Variants in PPIP5K2 observed in about 807,000 individuals in gnomAD.
The protein encoded by PPIP5K2 is diphosphoinositol pentakisphosphate kinase 2.
A neutral mutation model predicts 154.6 loss-of-function variants in PPIP5K2; 105 were observed. The observed-to-expected ratio is 0.68, with a 90% CI of 0.58 to 0.80. The LOEUF (loss-of-function observed/expected upper bound fraction) is 0.80. PPIP5K2 is among the 30% of genes least tolerant of loss of function. The probability of loss-of-function intolerance (pLI) is 0.00; values close to 1 mark genes in which losing one functional copy is unlikely to be tolerated. For missense variants in PPIP5K2, 992 were observed against 1,504.6 expected, an observed-to-expected ratio of 0.66 and a Z score of 5.64; for synonymous variants, 480 against 490.3, an observed-to-expected ratio of 0.98 and a Z score of 0.28.
chr5:103,130,183 G>A (rs1269830148), intron 2 of PPIP5K2, among the ~76,000 whole-genome samples: 1 of 152,010 alleles, frequency 6.6e-6, no homozygotes, highest in Non-Finnish European at 1.5e-5. Flanking sequence ...TGGCTAGAAG[G>A]GTAGGCTACC....
intron 5 of PPIP5K2, among the ~76,000 whole-genome samples, chr5:103,144,922 C>A (rs1350407159): frequency 6.6e-6 from 1 of 151,976 alleles, no homozygotes; most frequent in Non-Finnish European, 1.5e-5. Context: ...GGGATCATAT[C>A]AACCTAAAAA....
At position 103,203,335 on chromosome 5, in the gene PPIP5K2, A is replaced by T. The variant is rs1411924967; in HGVS notation, c.*1701A>T. Reference sequence around the variant, plus strand: ...TTAAATAAAATTTATTATTGGCTATATACATAGCAATATATTACTTTCCAA... The same window carrying T: ...TTAAATAAAATTTATTATTGGCTATTTACATAGCAATATATTACTTTCCAA... On this transcript the variant is annotated 3_prime_UTR_variant, in exon 31 of 31. Transcript: ENST00000358359. 1.3e-5 allele frequency: 2 copies of T among 152,182 alleles called. No individual in the cohort carries two copies. Among genetic ancestry groups the T allele is most frequent in the African/African-American group, 4.8e-5 (2 of 41,454 alleles). The allele number at this position is 152,182 out of a possible 1,614,324, so 9.4% of individuals were successfully genotyped here.
rs1554209809 is a variant in PPIP5K2 at position 103,148,023 on chromosome 5, T to G, written c.735T>G (p.Thr245=). ...AAGAGTTTATGCCCACAGATGGTAC[T>G]GATGTTAAGGTAGGATTGATTAAAA... is the stretch of plus-strand genomic sequence containing the variant. The part of the protein sequence containing the change: ...IYEEFMPTDG[T]DVKVYTVGPD... Residue 245 remains threonine, a synonymous_variant, in exon 7 of 31, where the codon ACT becomes ACG. Coordinates refer to ENST00000358359, the MANE Select transcript of PPIP5K2 (RefSeq NM_001276277.3). 2.9e-5 allele frequency: 46 copies of G among 1,572,816 alleles called. No individual in the cohort carries two copies. Among genetic ancestry groups the G allele is most frequent in the Non-Finnish European group, 3.9e-5 (45 of 1,151,300 alleles).
intron 10 of PPIP5K2, among the ~76,000 whole-genome samples, chr5:103,153,210 A>T (rs1794905838): frequency 6.6e-6 from 1 of 151,722 alleles, no homozygotes; most frequent in Non-Finnish European, 1.5e-5. Context: ...TGTACTGATG[A>T]TGGGGGGAAC....
At chr5:103,143,154 T>C (rs143898570) in intron 5 of PPIP5K2, among the ~76,000 whole-genome samples, 1 of 152,300 alleles carries the variant, frequency 6.6e-6, no homozygotes, top group Admixed American at 6.5e-5. Context: ...CTGTAACAGA[T>C]ACACAAAAAA....
rs185858532 is a variant in PPIP5K2, at chr5:103,194,387, C to T, written c.3494-513C>T. ...CAGGCTGGTCTTGAACTCCTGGGGTCAAGCGATCCTCCTGCCTTGCCTAAC... is the reference window on the plus strand; with the variant it reads ...CAGGCTGGTCTTGAACTCCTGGGGTTAAGCGATCCTCCTGCCTTGCCTAAC... On this transcript the variant is annotated intron_variant, in intron 29 of 30. Transcript: ENST00000358359. Among the ~76,000 whole-genome samples the T allele has an allele frequency of 2.0e-3, 304 of 152,230 alleles. 1 individual carries two copies. Among genetic ancestry groups the T allele is most frequent in the African/African-American group, 6.8e-3 (283 of 41,542 alleles).
At chr5:103,156,665 TGA>T (rs1795464169) in intron 14 of PPIP5K2, among the ~76,000 whole-genome samples, 1 of 152,176 alleles carries the variant, frequency 6.6e-6, no homozygotes, top group African/African-American at 2.4e-5. Flanking sequence ...GAGAATTCAT[TGA>T]GACAGGATTT....
At position 103,149,093 on chromosome 5, in the gene PPIP5K2, TACAC is replaced by T. The variant is rs138096296; in HGVS notation, c.745-45_745-42del. 2.3e-4 allele frequency: 269 copies of T among 1,170,304 alleles called. 1 individual carries two copies. Among genetic ancestry groups the T allele is most frequent in the South Asian group, 6.8e-4 (31 of 45,724 alleles). 72.5% of individuals were successfully genotyped at this position (1,170,304 alleles called of 1,614,324 possible). A position where few individuals can be genotyped will look rare whatever the true frequency, so the allele number is the denominator to read the frequency against. ...TTCATTGTATTTGTTGTCTGTTGGT[TACAC>T]ACACACACACACATACATATATATA... On this transcript the variant is annotated intron_variant, in intron 7 of 30. Transcript: ENST00000358359.
At chr5:103,143,055 C>G (rs1163553057) in intron 5 of PPIP5K2, among the ~76,000 whole-genome samples, 1 of 151,972 alleles carries the variant, frequency 6.6e-6, no homozygotes, top group African/African-American at 2.4e-5. Context: ...TTTTTATTTT[C>G]TTTGTAATCA....
chr5:103,127,021 G>A (rs910801916), intron 1 of PPIP5K2, among the ~76,000 whole-genome samples: 17 of 152,058 alleles, frequency 1.1e-4, no homozygotes, highest in African/African-American at 4.1e-4. Flanking sequence ...ATTGTGTCAT[G>A]GACTTATTAA....
At chr5:103,125,586 A>G (rs1001799236) in intron 1 of PPIP5K2, among the ~76,000 whole-genome samples, 10 of 151,506 alleles carry the variant, frequency 6.6e-5, no homozygotes, top group African/African-American at 2.4e-4. Context: ...TCTTTTATAA[A>G]CTCTTCAAAA....
At chr5:103,127,202 A>G (rs894379559) in intron 1 of PPIP5K2, among the ~76,000 whole-genome samples, 1 of 152,232 alleles carries the variant, frequency 6.6e-6, no homozygotes, top group Admixed American at 6.5e-5. Flanking sequence ...ATGTCATAAA[A>G]TGTGTGTATA....
At chr5:103,165,715 C>T (rs186682486) in intron 17 of PPIP5K2, among the ~76,000 whole-genome samples, 42 of 152,156 alleles carry the variant, frequency 2.8e-4, no homozygotes, top group African/African-American at 8.2e-4. Context: ...ATGGATAACT[C>T]GTTTTAAGAT....
intron 5 of PPIP5K2, among the ~76,000 whole-genome samples, chr5:103,140,799 A>G (rs542924288): frequency 4.7e-4 from 70 of 149,298 alleles, no homozygotes; most frequent in African/African-American, 1.7e-3. Context: ...ATCGCGCCAC[A>G]GCACTCCCGC....
chr5:103,177,522 G>C, intron 21 of PPIP5K2, 145 bp from the exon 22 acceptor site: 1 of 528,882 alleles, frequency 1.9e-6, no homozygotes, highest in East Asian at 3.0e-5. Context: ...TAAATGTAGT[G>C]GAATTATTTT....
rs1040359701 is a variant in PPIP5K2 at position 103,206,772 on chromosome 5, G to A, written c.*5138G>A. Reference sequence around the variant, plus strand: ...TGTTGTTCCATTTTTCCCCTACCATGGACTAGCACTGGACATGCGTCAATC... The same window carrying A: ...TGTTGTTCCATTTTTCCCCTACCATAGACTAGCACTGGACATGCGTCAATC... On this transcript the variant is annotated 3_prime_UTR_variant, in exon 31 of 31. Coordinates refer to ENST00000358359, the MANE Select transcript of PPIP5K2 (RefSeq NM_001276277.3). 1 of 152,192 alleles carries A rather than the reference G, an allele frequency of 6.6e-6. No individual in the cohort carries two copies. The highest frequency in any genetic ancestry group is 1.5e-5 in the Non-Finnish European group (1 of 68,060). The allele number at this position is 152,192 out of a possible 1,614,324, so 9.4% of individuals were successfully genotyped here. A position where few individuals can be genotyped will look rare whatever the true frequency, so the allele number is the denominator to read the frequency against.
chr5:103,136,518 C>A (rs1318415448), intron 3 of PPIP5K2, among the ~76,000 whole-genome samples: 2 of 151,972 alleles, frequency 1.3e-5, no homozygotes, highest in Non-Finnish European at 2.9e-5. Flanking sequence ...GTTATATAAC[C>A]ACTGGTTTGT....
intron 17 of PPIP5K2, among the ~76,000 whole-genome samples, chr5:103,160,907 G>A (rs116083001): frequency 1.4e-3 from 208 of 150,422 alleles, no homozygotes; most frequent in African/African-American, 4.8e-3. Context: ...TATTTACAAT[G>A]TTAGCAGGTA....
chr5:103,184,424 T>A (rs1800034670), intron 25 of PPIP5K2: 1 of 312,362 alleles, frequency 3.2e-6, no homozygotes. Context: ...CTTCTTTTCA[T>A]CTGTCTTGTT....
Sources: gnomAD v4.1 joint callset for allele counts (sites outside exome capture counted in the v4.1 genomes callset) on GRCh38, gnomAD v4.1.1 for gene constraint, MANE v1.5 for transcripts, NCBI Gene and HGNC (gene_info 2026-07-23, HGNC 2026-07-21) for gene names.